Variants in MARCHF1 observed in about 807,000 individuals in gnomAD.
MARCHF1 encodes E3 ubiquitin-protein ligase MARCHF1.
A neutral mutation model predicts 54.2 loss-of-function variants in MARCHF1; 40 were observed. The observed-to-expected ratio is 0.74, with a 90% CI of 0.57 to 0.96. The LOEUF (loss-of-function observed/expected upper bound fraction) is 0.96, where lower values mean the gene tolerates loss of function less well. Ranked by LOEUF, MARCHF1 falls within the 40% of genes least tolerant of loss-of-function variation. MARCHF1 has a pLI of 0.00. For synonymous variants in MARCHF1, 236 were observed against 236.3 expected (o/e 1.00, Z 0.01); for missense variants, 586 against 656.5 (o/e 0.89, Z 1.17).
chr4:164,276,066 CT>C (rs1184973682), intron 1 of MARCHF1, among the ~76,000 whole-genome samples: 2 of 152,164 alleles, frequency 1.3e-5, no homozygotes, highest in African/African-American at 4.8e-5. Context: ...TTCATTTCTT[CT>C]TTTCATATTT....
At chr4:163,872,291 A>C (rs1254144735) in intron 3 of MARCHF1, among the ~76,000 whole-genome samples, 1 of 152,212 alleles carries the variant, frequency 6.6e-6, no homozygotes, top group Admixed American at 6.5e-5. Context: ...CAAAGACAAC[A>C]CTTGAATAGG....
chr4:164,050,932 CAATAATAATAATAGT>C (rs1246804199), intron 2 of MARCHF1, among the ~76,000 whole-genome samples: 1 of 151,906 alleles, frequency 6.6e-6, no homozygotes, highest in South Asian at 2.1e-4. Context: ...AACTCTGTCT[CAATAATAATAATAGT>C]AATAATAATA....
intron 9 of MARCHF1, among the ~76,000 whole-genome samples, chr4:163,537,541 C>T (rs971776460): frequency 6.6e-6 from 1 of 152,200 alleles, no homozygotes; most frequent in Non-Finnish European, 1.5e-5. Flanking sequence ...AGCATCTGCT[C>T]ATTTATCTGA....
chr4:164,206,113 C>A (rs1731597983), intron 1 of MARCHF1, among the ~76,000 whole-genome samples: 1 of 151,968 alleles, frequency 6.6e-6, no homozygotes. Context: ...CCCGAGTTAT[C>A]TTTGTTAAAA....
chr4:163,746,791 A>G (rs1364194924), intron 4 of MARCHF1, among the ~76,000 whole-genome samples: 1 of 152,194 alleles, frequency 6.6e-6, no homozygotes, highest in Non-Finnish European at 1.5e-5. Flanking sequence ...TGACATCTGT[A>G]TCGTGCTACC....
intron 3 of MARCHF1, 54 bp from the exon 4 acceptor site, chr4:163,854,223 G>A: frequency 1.6e-6 from 2 of 1,267,530 alleles, no homozygotes; most frequent in Admixed American, 3.1e-5. Flanking sequence ...CTGTGTTTTG[G>A]AAAATACATA....
At chr4:163,742,479 C>T (rs1746234591) in intron 4 of MARCHF1, among the ~76,000 whole-genome samples, 1 of 149,440 alleles carries the variant, frequency 6.7e-6, no homozygotes, top group African/African-American at 2.5e-5. Context: ...CCTTTCCTTT[C>T]CTTTTCTTTT....
At chr4:163,981,409 G>A (rs1359461296) in intron 3 of MARCHF1, among the ~76,000 whole-genome samples, 1 of 152,318 alleles carries the variant, frequency 6.6e-6, no homozygotes, top group Non-Finnish European at 1.5e-5. Context: ...CTTTTCTTCA[G>A]TCTCCTTTTC....
chr4:164,264,306 G>A (rs374583769), intron 1 of MARCHF1, among the ~76,000 whole-genome samples: 4 of 151,982 alleles, frequency 2.6e-5, no homozygotes, highest in Non-Finnish European at 5.9e-5. Context: ...TGAACACAAC[G>A]AATAAAACAG....
intron 4 of MARCHF1, among the ~76,000 whole-genome samples, chr4:163,758,518 A>C (rs1377511450): frequency 2.6e-5 from 4 of 152,206 alleles, no homozygotes; most frequent in African/African-American, 9.6e-5. Flanking sequence ...TCTCTGATAA[A>C]TAAACTGAGA....
chr4:164,233,571 C>A (rs1336795784), intron 1 of MARCHF1, among the ~76,000 whole-genome samples: 1 of 152,084 alleles, frequency 6.6e-6, no homozygotes, highest in African/African-American at 2.4e-5. Context: ...CTAGGCCAAC[C>A]ACGGGACAGG....
chr4:163,728,422 T>C (rs913203722), intron 4 of MARCHF1, among the ~76,000 whole-genome samples: 1 of 152,238 alleles, frequency 6.6e-6, no homozygotes, highest in African/African-American at 2.4e-5. Context: ...ATATTAAGTT[T>C]TCTCATAATG....
intron 2 of MARCHF1, among the ~76,000 whole-genome samples, chr4:164,067,930 CAAAAG>C (rs55639207): frequency 0.66 from 99,119 of 151,196 alleles, 34,215 homozygotes; most frequent in Non-Finnish European, 0.78. Flanking sequence ...AGACACTTCT[CAAAAG>C]AAGACATATG....
intron 1 of MARCHF1, among the ~76,000 whole-genome samples, chr4:164,279,809 C>T (rs1260526572): frequency 1.3e-5 from 2 of 151,450 alleles, no homozygotes; most frequent in Admixed American, 6.6e-5. Flanking sequence ...AATATGAAAC[C>T]TCTTCCTAAT....
chr4:164,109,845 A>C (rs1019350171), intron 2 of MARCHF1, among the ~76,000 whole-genome samples: 2 of 143,928 alleles, frequency 1.4e-5, no homozygotes, highest in Non-Finnish European at 3.0e-5. Context: ...CTGTACAACA[A>C]ACCCCCGGGA....
chr4:164,183,253 T>C (rs912326167), intron 1 of MARCHF1, among the ~76,000 whole-genome samples: 8 of 152,330 alleles, frequency 5.3e-5, no homozygotes, highest in Non-Finnish European at 8.8e-5. Flanking sequence ...TACATAATCA[T>C]ACTTATTATT....
intron 3 of MARCHF1, among the ~76,000 whole-genome samples, chr4:163,920,926 G>A (rs1270653905): frequency 6.6e-6 from 1 of 152,018 alleles, no homozygotes; most frequent in East Asian, 1.9e-4. Flanking sequence ...AAAGTAAAAA[G>A]CATTCAAGCA....
intron 8 of MARCHF1, among the ~76,000 whole-genome samples, chr4:163,557,604 A>C (rs2110964188): frequency 6.6e-6 from 1 of 152,196 alleles, no homozygotes; most frequent in East Asian, 1.9e-4. Context: ...AAAGCTCAAG[A>C]GTGAGAACTG....
At chr4:163,766,289 A>C (rs958278064) in intron 4 of MARCHF1, among the ~76,000 whole-genome samples, 1 of 152,106 alleles carries the variant, frequency 6.6e-6, no homozygotes, top group African/African-American at 2.4e-5. Context: ...AAACCAATAT[A>C]ACTTTGGGGG....
Sources: allele counts gnomAD v4.1 joint callset (sites outside exome capture counted in the v4.1 genomes callset), GRCh38; gene constraint gnomAD v4.1.1; transcripts MANE v1.5; gene names NCBI Gene and HGNC (gene_info 2026-07-23, HGNC 2026-07-21).